Variants in RNF175 observed in about 807,000 individuals in gnomAD.
RNF175 encodes ring finger protein 175.
A neutral mutation model predicts 50.0 loss-of-function variants in RNF175; 38 were observed. That is an observed-to-expected ratio of 0.76 (90% CI 0.59 to 1.00). The LOEUF (loss-of-function observed/expected upper bound fraction) is 1.00, where lower values mean the gene tolerates loss of function less well. Ranked by LOEUF, RNF175 falls within the 50% of genes least tolerant of loss-of-function variation. The pLI is 0.00. For synonymous variants in RNF175, 155 were observed against 146.1 expected (o/e 1.06, Z -0.44); for missense variants, 388 against 409.6 (o/e 0.95, Z 0.46).
At chr4:153,731,746 GT>G (rs1296626412) in intron 3 of RNF175, among the ~76,000 whole-genome samples, 1 of 152,062 alleles carries the variant, frequency 6.6e-6, no homozygotes, top group Non-Finnish European at 1.5e-5. Flanking sequence ...TAAATTATGT[GT>G]GTTCATTTCC....
intron 3 of RNF175, among the ~76,000 whole-genome samples, chr4:153,745,352 C>G (rs970265642): frequency 2.6e-5 from 4 of 152,196 alleles, no homozygotes; most frequent in African/African-American, 9.6e-5. Context: ...GCACCCTGCT[C>G]TAACCATTGA....
In RNF175 at chr4:153,710,500, G is replaced by A. The variant is rs769080627; in HGVS notation, c.867-11C>T. ...TGTGTGCGCTCCCAGCTAAATCTCA[G>A]TTAAGGAGGTTGTTCTATATACAGC... is the stretch of plus-strand genomic sequence containing the variant. On this transcript the variant is annotated splice_polypyrimidine_tract_variant and intron_variant, in intron 8 of 8. Coordinates refer to ENST00000347063, the MANE Select transcript of RNF175 (RefSeq NM_173662.4). The A allele has an allele frequency of 7.5e-6, 12 of 1,608,338 alleles. No individual in the cohort carries two copies. In the East Asian group the frequency reaches 2.2e-4, roughly 30 times the overall value.
intron 3 of RNF175, among the ~76,000 whole-genome samples, chr4:153,731,687 G>T (rs1427065564): frequency 6.7e-6 from 1 of 150,108 alleles, no homozygotes; most frequent in Non-Finnish European, 1.5e-5. Context: ...GAGGGAGGGA[G>T]GAAGGAAGGA....
At chr4:153,730,297 G>A (rs184837607) in intron 3 of RNF175, among the ~76,000 whole-genome samples, 117 of 152,182 alleles carry the variant, frequency 7.7e-4, no homozygotes, top group African/African-American at 2.8e-3. Context: ...TTAGCCAGAC[G>A]TGGTGGTATG....
intron 3 of RNF175, among the ~76,000 whole-genome samples, chr4:153,744,015 G>A (rs1326449556): frequency 6.6e-6 from 1 of 152,152 alleles, no homozygotes; most frequent in African/African-American, 2.4e-5. Context: ...CAGTGTGTAA[G>A]TGCCACACTT....
In RNF175 at chr4:153,718,222, G is replaced by GTTTTTTTTTTTTTTTTTTTT. The variant is rs1460898288; in HGVS notation, c.630+1961_630+1962insAAAAAAAAAAAAAAAAAAAA. On this transcript the variant is annotated intron_variant, in intron 6 of 8. Coordinates refer to ENST00000347063, the MANE Select transcript of RNF175 (RefSeq NM_173662.4). ...CTTTCCTAAGGAGTTTTTTTTGTTT[G>GTTTTTTTTTTTTTTTTTTTT]TTTGTTTGTTTGTTTGTTTTTTTTT... is the stretch of plus-strand genomic sequence containing the variant. Among the ~76,000 whole-genome samples the GTTTTTTTTTTTTTTTTTTTT allele has an allele frequency of 1.1e-3, 41 of 37,532 alleles. 11 individuals carry two copies. Among genetic ancestry groups the GTTTTTTTTTTTTTTTTTTTT allele is most frequent in the African/African-American group, 1.4e-3 (22 of 16,272 alleles). The allele number at this position is 37,532 out of a possible 152,430, so 24.6% of individuals were successfully genotyped here.
chr4:153,720,110 G>A, intron 6 of RNF175, 74 bp downstream of exon 6: 1 of 1,479,412 alleles, frequency 6.8e-7, no homozygotes, highest in Non-Finnish European at 9.3e-7. Flanking sequence ...TTCTGAAAAT[G>A]GATGCAGACA....
At chr4:153,749,253 T>G (rs1740160638) in intron 2 of RNF175, among the ~76,000 whole-genome samples, 2 of 152,256 alleles carry the variant, frequency 1.3e-5, no homozygotes, top group African/African-American at 4.8e-5. Context: ...ACAAGGTTGT[T>G]GTAAGACTAT....
chr4:153,732,773 A>G (rs1016355349), intron 3 of RNF175, among the ~76,000 whole-genome samples: 1 of 152,228 alleles, frequency 6.6e-6, no homozygotes, highest in Non-Finnish European at 1.5e-5. Flanking sequence ...TTTTATTTCT[A>G]GTTAAATGCT....
chr4:153,739,087 C>T (rs566135148), intron 3 of RNF175, among the ~76,000 whole-genome samples: 1 of 152,268 alleles, frequency 6.6e-6, no homozygotes, highest in South Asian at 2.1e-4. Flanking sequence ...ATACACTGTT[C>T]CTATGTTTAC....
chr4:153,729,633 CTTCTT>C, intron 3 of RNF175: 2 of 981,420 alleles, frequency 2.0e-6, no homozygotes, highest in Non-Finnish European at 2.4e-6. Context: ...CACAGCCATT[CTTCTT>C]TCAATGTCAG....
At chr4:153,739,318 G>A (rs986683547) in intron 3 of RNF175, among the ~76,000 whole-genome samples, 5 of 152,070 alleles carry the variant, frequency 3.3e-5, no homozygotes, top group African/African-American at 1.2e-4. Context: ...CTACTCGGGA[G>A]GCTGAGGCAG....
At chr4:153,716,152 A>T (rs1273935331) in intron 6 of RNF175, among the ~76,000 whole-genome samples, 1 of 152,060 alleles carries the variant, frequency 6.6e-6, no homozygotes, top group Non-Finnish European at 1.5e-5. Context: ...AGAATGCTAC[A>T]GAGGGGTTAA....
At chr4:153,749,050 C>A (rs1740150815) in intron 2 of RNF175, among the ~76,000 whole-genome samples, 2 of 152,094 alleles carry the variant, frequency 1.3e-5, no homozygotes, top group Admixed American at 6.5e-5. Flanking sequence ...CTTTGCTTTC[C>A]CATGTGGTTG....
At chr4:153,728,795 G>C (rs1243817989) in intron 3 of RNF175, among the ~76,000 whole-genome samples, 1 of 152,196 alleles carries the variant, frequency 6.6e-6, no homozygotes. Context: ...ACTACACAGA[G>C]CCCAGGGGCT....
intron 5 of RNF175, 191 bp from the exon 6 acceptor site, chr4:153,720,495 T>A (rs1738271935): frequency 1.9e-6 from 1 of 515,864 alleles, no homozygotes; most frequent in Non-Finnish European, 3.5e-6. Flanking sequence ...ATTGTAGCAC[T>A]CAGTGCCAAC....
chr4:153,731,528 TC>T (rs753474466), intron 3 of RNF175, among the ~76,000 whole-genome samples: 2 of 152,190 alleles, frequency 1.3e-5, no homozygotes, highest in Non-Finnish European at 2.9e-5. Context: ...TACCATGGTT[TC>T]TTTGTGTTGC....
intron 4 of RNF175, among the ~76,000 whole-genome samples, chr4:153,726,030 G>A (rs990893755): frequency 1.3e-5 from 2 of 152,074 alleles, no homozygotes; most frequent in African/African-American, 4.8e-5. Flanking sequence ...CCTTGGGCTG[G>A]ATTCAATGTG....
chr4:153,739,369 C>T (rs567458368), intron 3 of RNF175, among the ~76,000 whole-genome samples: 126 of 151,248 alleles, frequency 8.3e-4, no homozygotes, highest in African/African-American at 2.6e-3. Flanking sequence ...TACAGTGAGC[C>T]GAGATCACAC....
Sources: gnomAD v4.1 joint callset for allele counts (sites outside exome capture counted in the v4.1 genomes callset) on GRCh38, gnomAD v4.1.1 for gene constraint, MANE v1.5 for transcripts, NCBI Gene and HGNC (gene_info 2026-07-23, HGNC 2026-07-21) for gene names.